The following CHRNA2 variants were observed in gnomAD, a reference collection of about 807,000 sequenced individuals.
CHRNA2 encodes cholinergic receptor nicotinic alpha 2 subunit, also known as neuronal acetylcholine receptor subunit alpha-2.
Under a neutral mutation model 45.5 loss-of-function variants are expected in CHRNA2, and 40 were observed. The observed-to-expected ratio is 0.88, with a 90% CI of 0.68 to 1.15. The LOEUF (loss-of-function observed/expected upper bound fraction) is 1.15, where lower values mean the gene tolerates loss of function less well. Ranked by LOEUF, CHRNA2 falls within the 50% of genes most tolerant of loss-of-function variation. The pLI is 0.00. For synonymous variants in CHRNA2, 301 were observed against 296.7 expected, an observed-to-expected ratio of 1.01 and a Z score of -0.15; for missense variants, 655 against 701.7, an observed-to-expected ratio of 0.93 and a Z score of 0.75.
chr8:27,479,261 CACAT>C (rs1554517018), upstream of CHRNA2: 782 of 146,432 alleles, frequency 5.3e-3, 5 homozygotes, highest in East Asian at 7.4e-3. Flanking sequence ...CACACACACA[CACAT>C]ACACACACAC....
At position 27,463,862 on chromosome 8, in the gene CHRNA2, T is replaced by G. The variant is rs766697348; in HGVS notation, c.581A>C (p.Gln194Pro). 1.2e-6 allele frequency: 2 copies of G among 1,614,166 alleles called. No homozygotes were observed. Among genetic ancestry groups the G allele is most frequent in the Non-Finnish European group, 1.7e-6 (2 of 1,180,030 alleles). ...SIDVTFFPFD[Q>P]QNCKMKFGSW... The stretch of plus-strand genomic sequence containing the variant: ...GCCAAACTTCATCTTGCAGTTCTGC[T>G]GGTCGAAGGGGAAGAAGGTGACGTC... Residue 194 changes from glutamine to proline, a missense_variant, in exon 6 of 7, where the codon CAG (glutamine) becomes CCG (proline). Transcript: ENST00000407991. This position sits in a 1 kb window ranked among gnomAD's most constrained non-coding sequence, Gnocchi z 6.1.
chr8:27,464,008 G>A lies in CHRNA2; in HGVS notation c.450-15C>T. 3 of 1,613,734 alleles carry A rather than the reference G, an allele frequency of 1.9e-6. No homozygotes were observed. Among genetic ancestry groups the A allele is most frequent in the Non-Finnish European group, 1.7e-6 (2 of 1,179,946 alleles). ...CCCCATCTGCACTGAGAAGAGGAGA[G>A]GAGCTGGGGAGACCCCTGCACACCC... On this transcript the variant is annotated splice_polypyrimidine_tract_variant and intron_variant, in intron 5 of 6. Transcript: ENST00000407991.
chr8:27,469,785 C>T lies in CHRNA2; in HGVS notation c.270G>A (p.Leu90=), dbSNP rs752371632. 6.2e-7 allele frequency: 1 copy of T among 1,614,198 alleles called. No individual in the cohort carries two copies. The highest frequency in any genetic ancestry group is 1.1e-5 in the South Asian group (1 of 91,084). ...CCACATCGATGAGCTGAGCGATGGA[C>T]AGTCCAAAGCGCACAATCACCACGT... ...TSDVVIVRFG[L]SIAQLIDVDE... is the part of the protein sequence containing the mutation. The change falls in exon 3 of 7, where the codon CTG becomes CTA. Residue 90 remains leucine (L), a synonymous_variant. Transcript: ENST00000407991.
At position 27,461,583 on chromosome 8, in the gene CHRNA2, G is replaced by A. The variant is rs978024767; in HGVS notation, c.*46C>T. On this transcript the variant is annotated 3_prime_UTR_variant, in exon 7 of 7. Coordinates refer to ENST00000407991, the MANE Select transcript of CHRNA2 (RefSeq NM_000742.4). Reference sequence around the variant, plus strand: ...GCAGCTGTAGCAGAGACGGTCAAAAGATGGTCAGCGGGGGTGCCCTGGGAG... The same window carrying A: ...GCAGCTGTAGCAGAGACGGTCAAAAAATGGTCAGCGGGGGTGCCCTGGGAG... 1.2e-6 allele frequency: 2 copies of A among 1,612,860 alleles called. No homozygotes were observed. The highest frequency in any genetic ancestry group is 8.5e-7 in the Non-Finnish European group (1 of 1,179,104).
In CHRNA2 at chr8:27,463,212, C is replaced by T. The variant is rs1328911807; in HGVS notation, c.1231G>A (p.Glu411Lys). 5 of 1,588,946 alleles carry T rather than the reference C, an allele frequency of 3.1e-6. No individual in the cohort carries two copies. The highest frequency in any genetic ancestry group is 1.1e-5 in the South Asian group (1 of 87,238). Residue 411 changes from glutamate (E) to lysine (K), a missense_variant, in exon 6 of 7, where the codon GAG (glutamate) becomes AAG (lysine). Coordinates refer to ENST00000407991, the MANE Select transcript of CHRNA2 (RefSeq NM_000742.4). This position sits in a 1 kb window ranked among gnomAD's most constrained non-coding sequence, Gnocchi z 6.1. ...YHWLESNVDA[E>K]EREVVVEEED... ...TCCTCCACCACCACCTCCCTCTCCT[C>T]GGCATCCACGTTGCTCTCCAGCCAG...
intron 1 of CHRNA2, among the ~76,000 whole-genome samples, chr8:27,477,674 C>G (rs1453882391): frequency 3.3e-5 from 5 of 152,000 alleles, no homozygotes; most frequent in African/African-American, 7.3e-5. Context: ...GAGGGAACTT[C>G]CACCTCTGGT....
intron 1 of CHRNA2, among the ~76,000 whole-genome samples, chr8:27,474,392 T>C (rs1383772157): frequency 6.6e-6 from 1 of 152,200 alleles, no homozygotes; most frequent in Non-Finnish European, 1.5e-5. Flanking sequence ...TGGGAGAATA[T>C]TGCCCCTGTC....
intron 6 of CHRNA2, 60 bp downstream of exon 6, chr8:27,462,919 T>C (rs988340417): frequency 2.5e-6 from 4 of 1,607,380 alleles, no homozygotes; most frequent in Non-Finnish European, 3.4e-6. Flanking sequence ...TGCGGTAAGG[T>C]GGTTCCCCGC....
chr8:27,467,131 G>A (rs924471533), intron 5 of CHRNA2, 98 bp downstream of exon 5: 11 of 827,550 alleles, frequency 1.3e-5, no homozygotes, highest in East Asian at 7.5e-5. Flanking sequence ...AGAAGGAGGC[G>A]AGGAAGCTGA....
rs756730967 is a variant in CHRNA2, at chr8:27,463,971, T to C, written c.472A>G (p.Thr158Ala). ...AAGAGGTGGGCCTTGGTCATGTGGG[T>C]CACTGCAAACTCCCCATCTGCACTG... ...YNNADGEFAV[T>A]HMTKAHLFST... Residue 158 changes from threonine (T) to alanine (A), a missense_variant, in exon 6 of 7, where the codon ACC becomes GCC. This residue lies in a region of CHRNA2 where 323 missense variants were observed against 354.4 expected (regional missense o/e 0.91). Coordinates refer to ENST00000407991, the MANE Select transcript of CHRNA2 (RefSeq NM_000742.4). The surrounding 1 kb of genome is among the most constrained non-coding windows in gnomAD (Gnocchi z 6.1). The C allele has an allele frequency of 7.4e-6, 12 of 1,614,078 alleles. No individual in the cohort carries two copies. In the Admixed American group the frequency reaches 1.5e-4, roughly 20 times the overall value.
intron 6 of CHRNA2, among the ~76,000 whole-genome samples, 184 bp downstream of exon 6, chr8:27,462,795 C>T (rs1345541525): frequency 6.6e-6 from 1 of 152,218 alleles, no homozygotes; most frequent in Non-Finnish European, 1.5e-5. Flanking sequence ...TGCCAATAAA[C>T]GTCCTCAAAG....
chr8:27,469,438 G>A lies in CHRNA2; in HGVS notation c.295-59C>T, dbSNP rs1270808382. ...GGGTGGGCCCAGCCCCAGAAGACAG[G>A]GTGGAGTGGGATGGGCTGTTTTCAG... On this transcript the variant is annotated intron_variant, in intron 3 of 6. Coordinates refer to ENST00000407991, the MANE Select transcript of CHRNA2 (RefSeq NM_000742.4). The A allele has an allele frequency of 1.7e-5, 26 of 1,517,882 alleles. No individual in the cohort carries two copies. The East Asian group carries it at 6.4e-4, about 37-fold the overall frequency. 94.0% of individuals were successfully genotyped at this position (1,517,882 alleles called of 1,614,324 possible).
rs747017890 is a variant in CHRNA2 at position 27,469,960 on chromosome 8, G to A, written c.95C>T (p.Pro32Leu). Reference protein sequence around the residue: ...TPAGGEEAKRPPPRAPGDPLS... With the variant: ...TPAGGEEAKRLPPRAPGDPLS... ...TGGGTCTCCAGGAGCCCTGGGAGGT[G>A]GGCGCTTAGCTTCCTCTCCACCTGC... Residue 32 changes from proline (P) to leucine (L), a missense_variant, in exon 3 of 7, where the codon CCA becomes CTA. Physicochemically the swap from Pro to Leu is moderately conservative, Grantham distance 98. Coordinates refer to ENST00000407991, the MANE Select transcript of CHRNA2 (RefSeq NM_000742.4). 6.2e-7 allele frequency: 1 copy of A among 1,613,592 alleles called. No homozygotes were observed. Among genetic ancestry groups the A allele is most frequent in the Non-Finnish European group, 8.5e-7 (1 of 1,179,960 alleles).
rs560790452 is a variant in CHRNA2, at chr8:27,463,285, G to A, written c.1158C>T (p.Pro386=). 1.1e-5 allele frequency: 17 copies of A among 1,608,806 alleles called. No homozygotes were observed. The highest frequency in any genetic ancestry group is 1.0e-4 in the Admixed American group (6 of 59,922). ...GGCGTAGGGGGTGGCAGAGCTCCAC[G>A]GGTGGTGGGGGCCGGTTCATCAGAA... The part of the protein sequence containing the change: ...RWLLMNRPPP[P]VELCHPLRLK... The change falls in exon 6 of 7, where the codon CCC becomes CCT. Residue 386 remains proline, a synonymous_variant. Coordinates refer to ENST00000407991, the MANE Select transcript of CHRNA2 (RefSeq NM_000742.4). The surrounding 1 kb of genome is among the most constrained non-coding windows in gnomAD (Gnocchi z 6.1).
At chr8:27,471,440 G>T (rs1420800810) in intron 1 of CHRNA2, among the ~76,000 whole-genome samples, 1 of 152,198 alleles carries the variant, frequency 6.6e-6, no homozygotes, top group African/African-American at 2.4e-5. Context: ...GGCACAGGAT[G>T]GGACTGAGGT....
Position 27,469,919 on chromosome 8 carries a change from G to A in CHRNA2, c.136C>T (p.Pro46Ser). ...APGDPLSSPSPTALPQGGSHT... is the reference protein window; with the variant it reads ...APGDPLSSPSSTALPQGGSHT... ...GAGCCTCCCTGCGGCAATGCCGTGG[G>A]ACTGGGAGAGGAGAGTGGGTCTCCA... Residue 46 changes from proline (P) to serine (S), a missense_variant, in exon 3 of 7, where the codon CCC becomes TCC. Coordinates refer to ENST00000407991, the MANE Select transcript of CHRNA2 (RefSeq NM_000742.4). 1 of 1,614,146 alleles carries A rather than the reference G, an allele frequency of 6.2e-7. No homozygotes were observed. Among genetic ancestry groups the A allele is most frequent in the South Asian group, 1.1e-5 (1 of 91,076 alleles).
In CHRNA2 at chr8:27,461,700, G is replaced by A. The variant is rs1462489278; in HGVS notation, c.1519C>T (p.Leu507=). The A allele has an allele frequency of 6.2e-7, 1 of 1,614,256 alleles. No individual in the cohort carries two copies. Among genetic ancestry groups the A allele is most frequent in the Non-Finnish European group, 8.5e-7 (1 of 1,180,032 alleles). Residue 507 remains leucine, a synonymous_variant, in exon 7 of 7, where the codon CTG becomes TTG. Coordinates refer to ENST00000407991, the MANE Select transcript of CHRNA2 (RefSeq NM_000742.4). ...CCCAGGAAGCAGACGATGATAAACA[G>A]CCAGAGGAAGATCCTGTCGATGACC... ...AMVIDRIFLW[L]FIIVCFLGTI... is the part of the protein sequence containing the mutation.
Position 27,463,455 on chromosome 8 carries a change from C to T in CHRNA2, c.988G>A (p.Glu330Lys), listed in dbSNP as rs775230859. 1.2e-6 allele frequency: 2 copies of T among 1,614,148 alleles called. No homozygotes were observed. Among genetic ancestry groups the T allele is most frequent in the Non-Finnish European group, 1.7e-6 (2 of 1,180,030 alleles). The change falls in exon 6 of 7, where the codon GAG (glutamate) becomes AAG (lysine). Residue 330 changes from glutamate (E) to lysine (K), a missense_variant. By Grantham distance (56) the Glu-to-Lys change is moderately conservative (BLOSUM62 1). Transcript: ENST00000407991. This position sits in a 1 kb window ranked among gnomAD's most constrained non-coding sequence, Gnocchi z 6.1. The stretch of plus-strand genomic sequence containing the variant: ...AAGATCATGGTGAACAGCAGGTACT[C>T]GCCGATGAGCGGGATGACCAGCGAG... ...STSLVIPLIG[E>K]YLLFTMIFVT...
Position 27,470,986 on chromosome 8 carries a change from C to T in CHRNA2, c.73G>A (p.Gly25Ser). ...ACAATGACAGGTGACAAACACTCAC[C>T]TGCTGGGGTCAGAAGGAGCCACCAC... ...SLWWLLLTPA[G>S]GEEAKRPPPR... The change falls in exon 2 of 7, where the codon GGT becomes AGT. Residue 25 changes from glycine (G) to serine (S), a missense_variant and splice_region_variant. By Grantham distance (56) the Gly-to-Ser change is moderately conservative (BLOSUM62 0). This residue lies in a region of CHRNA2 where 323 missense variants were observed against 354.4 expected (regional missense o/e 0.91). Coordinates refer to ENST00000407991, the MANE Select transcript of CHRNA2 (RefSeq NM_000742.4). 1 of 1,614,080 alleles carries T rather than the reference C, an allele frequency of 6.2e-7. No individual in the cohort carries two copies.
Sources: allele counts gnomAD v4.1 joint callset (sites outside exome capture counted in the v4.1 genomes callset), GRCh38; gene constraint gnomAD v4.1.1; regional missense constraint gnomAD v4.1.1; non-coding constraint Gnocchi (gnomAD v3.1); transcripts MANE v1.5; gene names NCBI Gene and HGNC (gene_info 2026-07-23, HGNC 2026-07-21).